Variants in ZDHHC14 observed in about 807,000 individuals in gnomAD.
The protein encoded by ZDHHC14 is zDHHC palmitoyltransferase 14, also known as palmitoyltransferase ZDHHC14.
A neutral mutation model predicts 47.7 loss-of-function variants in ZDHHC14; 16 were observed. That is an observed-to-expected ratio of 0.34 (90% confidence interval 0.23 to 0.51). The LOEUF is 0.51. Ranked by LOEUF, ZDHHC14 falls within the 20% of genes least tolerant of loss-of-function variation. The probability of loss-of-function intolerance (pLI) is 0.97; values close to 1 mark genes in which losing one functional copy is unlikely to be tolerated. For missense variants in ZDHHC14, 515 were observed against 662.5 expected, an observed-to-expected ratio of 0.78 and a Z score of 2.44; for synonymous variants, 293 against 278.9, an observed-to-expected ratio of 1.05 and a Z score of -0.50.
At chr6:157,629,165 A>C (rs867599062) in intron 4 of ZDHHC14, among the ~76,000 whole-genome samples, 5 of 152,104 alleles carry the variant, frequency 3.3e-5, no homozygotes, top group Non-Finnish European at 5.9e-5. Context: ...GCATTTTTTC[A>C]TTTTCCATTC....
rs2114725239 is a variant in ZDHHC14, at chr6:157,381,921, T to A, written c.-101T>A. On this transcript the variant is annotated 5_prime_UTR_variant, in exon 1 of 9. Coordinates refer to ENST00000359775, the MANE Select transcript of ZDHHC14 (RefSeq NM_024630.3). ...CGTGTAGGGGCCGCGGCGCCGCGGCTCGGGGGGCGGCCGGGCGGCCGGCGG... is the reference window on the plus strand; with the variant it reads ...CGTGTAGGGGCCGCGGCGCCGCGGCACGGGGGGCGGCCGGGCGGCCGGCGG... 1 of 951,128 alleles carries A rather than the reference T, an allele frequency of 1.1e-6. No individual in the cohort carries two copies. Among genetic ancestry groups the A allele is most frequent in the East Asian group, 1.3e-4 (1 of 7,668 alleles). The allele number at this position is 951,128 out of a possible 1,614,324, so 58.9% of individuals were successfully genotyped here. A position where few individuals can be genotyped will look rare whatever the true frequency, so the allele number is the denominator to read the frequency against.
chr6:157,592,374 T>C (rs1339591534), intron 2 of ZDHHC14, among the ~76,000 whole-genome samples: 1 of 152,232 alleles, frequency 6.6e-6, no homozygotes, highest in Admixed American at 6.5e-5. Context: ...ATGTATTTTT[T>C]ACAATCTGGT....
rs370719256 is a variant in ZDHHC14 at position 157,653,491 on chromosome 6, C to T, written c.966-34C>T. ...TGCTGCATCTCTGGCTTTTTATTCACTCTCTTCCTGCTGTGTTTTCTTTTC... is the reference window on the plus strand; with the variant it reads ...TGCTGCATCTCTGGCTTTTTATTCATTCTCTTCCTGCTGTGTTTTCTTTTC... On this transcript the variant is annotated intron_variant, in intron 7 of 8. Transcript: ENST00000359775. 4.3e-6 allele frequency: 7 copies of T among 1,609,440 alleles called. No homozygotes were observed. In the African/African-American group the frequency reaches 9.3e-5, roughly 21 times the overall value.
At chr6:157,407,004 A>G (rs983518453) in intron 1 of ZDHHC14, among the ~76,000 whole-genome samples, 3 of 152,242 alleles carry the variant, frequency 2.0e-5, no homozygotes, top group African/African-American at 7.2e-5. Flanking sequence ...GCCGTTCTCA[A>G]CCTTGGATTA....
chr6:157,397,639 T>G (rs1232542047), intron 1 of ZDHHC14, among the ~76,000 whole-genome samples: 1 of 152,148 alleles, frequency 6.6e-6, no homozygotes, highest in African/African-American at 2.4e-5. Flanking sequence ...GTATCACAGC[T>G]GCAGAGTCCC....
intron 2 of ZDHHC14, among the ~76,000 whole-genome samples, chr6:157,572,285 A>G (rs977027218): frequency 8.6e-5 from 13 of 151,990 alleles, no homozygotes; most frequent in Admixed American, 3.3e-4. Flanking sequence ...AACTACAAAC[A>G]TCTCTAGATG....
intron 3 of ZDHHC14, among the ~76,000 whole-genome samples, chr6:157,620,309 T>C (rs1472738156): frequency 2.6e-5 from 4 of 152,166 alleles, no homozygotes; most frequent in Non-Finnish European, 4.4e-5. Context: ...CCTCCTCTTA[T>C]GAAGCCATGA....
chr6:157,423,573 C>G (rs367970239), intron 1 of ZDHHC14, among the ~76,000 whole-genome samples: 3 of 152,100 alleles, frequency 2.0e-5, no homozygotes, highest in African/African-American at 7.2e-5. Context: ...TATGAATTTT[C>G]GGCATGTATA....
At chr6:157,504,116 T>C (rs188350174) in intron 1 of ZDHHC14, among the ~76,000 whole-genome samples, 290 of 152,286 alleles carry the variant, frequency 1.9e-3, no homozygotes, top group African/African-American at 6.8e-3. Flanking sequence ...CCATGGGAGA[T>C]TCATACAGTG....
intron 2 of ZDHHC14, among the ~76,000 whole-genome samples, chr6:157,583,963 C>T (rs1480187304): frequency 4.7e-5 from 2 of 42,306 alleles, no homozygotes; most frequent in African/African-American, 2.0e-4. Flanking sequence ...GGACCCTTTC[C>T]AGTGATGAGC....
chr6:157,639,133 A>G (rs371888586), intron 5 of ZDHHC14, among the ~76,000 whole-genome samples: 2 of 152,348 alleles, frequency 1.3e-5, no homozygotes. Context: ...TACACACCCA[A>G]GTGTGCGACA....
At position 157,555,224 on chromosome 6, in the gene ZDHHC14, CATA is replaced by C. The variant is rs1293347712; in HGVS notation, c.406+12483_406+12485del. On this transcript the variant is annotated intron_variant, in intron 2 of 8. Coordinates refer to ENST00000359775, the MANE Select transcript of ZDHHC14 (RefSeq NM_024630.3). Reference sequence around the variant, plus strand: ...CAGATGATGAGGTTTTCGTATCTTACATAATATTAATTTTGTGAATGCCAACAA... The same window carrying C: ...CAGATGATGAGGTTTTCGTATCTTACATATTAATTTTGTGAATGCCAACAA... 1.6e-4 allele frequency among the ~76,000 whole-genome samples: 24 copies of C among 152,152 alleles called. No individual in the cohort carries two copies. In the East Asian group the frequency reaches 4.6e-3, roughly 29 times the overall value.
chr6:157,389,178 A>G (rs1777374179), intron 1 of ZDHHC14, among the ~76,000 whole-genome samples: 1 of 152,168 alleles, frequency 6.6e-6, no homozygotes, highest in Non-Finnish European at 1.5e-5. Context: ...TTATTTTGAA[A>G]TGATTTCAAA....
chr6:157,382,847 G>A (rs187201380), intron 1 of ZDHHC14, among the ~76,000 whole-genome samples: 1 of 152,140 alleles, frequency 6.6e-6, no homozygotes. Context: ...CCTCCTACAT[G>A]CTCACTCTGG....
intron 1 of ZDHHC14, among the ~76,000 whole-genome samples, chr6:157,500,221 G>T (rs1780164425): frequency 6.6e-6 from 1 of 152,152 alleles, no homozygotes; most frequent in African/African-American, 2.4e-5. Flanking sequence ...TAGTGCAAAG[G>T]CCCTGAGGTG....
At chr6:157,511,238 G>A (rs137867024) in intron 1 of ZDHHC14, among the ~76,000 whole-genome samples, 4 of 152,202 alleles carry the variant, frequency 2.6e-5, no homozygotes, top group African/African-American at 4.8e-5. Context: ...ACTGTGGGGC[G>A]GGAAGCAGGA....
At chr6:157,438,274 A>G (rs902511320) in intron 1 of ZDHHC14, among the ~76,000 whole-genome samples, 2 of 152,234 alleles carry the variant, frequency 1.3e-5, no homozygotes, top group Admixed American at 1.3e-4. Flanking sequence ...AGAATGCTTT[A>G]TGGAAAGTTC....
intron 3 of ZDHHC14, among the ~76,000 whole-genome samples, chr6:157,606,956 G>A (rs528822268): frequency 2.0e-5 from 3 of 152,156 alleles, no homozygotes; most frequent in Non-Finnish European, 2.9e-5. Context: ...TGGTGTCATG[G>A]TTATTGCAGA....
chr6:157,647,626 G>A (rs752142639), intron 7 of ZDHHC14, among the ~76,000 whole-genome samples: 3 of 152,230 alleles, frequency 2.0e-5, no homozygotes, highest in Non-Finnish European at 4.4e-5. Context: ...ACAGATGCCT[G>A]TGGCCCTGCT....
Sources: gnomAD v4.1 joint callset for allele counts (sites outside exome capture counted in the v4.1 genomes callset) on GRCh38, gnomAD v4.1.1 for gene constraint, MANE v1.5 for transcripts, NCBI Gene and HGNC (gene_info 2026-07-23, HGNC 2026-07-21) for gene names.